PRKACB: variants seen among roughly 807,000 people sequenced by gnomAD.
PRKACB encodes the protein cAMP-dependent protein kinase catalytic subunit beta.
A neutral mutation model predicts 51.4 loss-of-function variants in PRKACB; 16 were observed. That is an observed-to-expected ratio of 0.31 (90% CI 0.21 to 0.47). The LOEUF is 0.47. Ranked by LOEUF, PRKACB falls within the 20% of genes least tolerant of loss-of-function variation. The pLI, the probability that PRKACB is intolerant of heterozygous loss-of-function variation, is 1.00. For missense variants in PRKACB, 309 were observed against 464.5 expected, an observed-to-expected ratio of 0.67 and a Z score of 3.08; for synonymous variants, 147 against 154.4, an observed-to-expected ratio of 0.95 and a Z score of 0.35.
upstream of PRKACB, among the ~76,000 whole-genome samples, chr1:84,142,843 A>G (rs1558011635): frequency 6.6e-6 from 1 of 152,212 alleles, no homozygotes; most frequent in East Asian, 1.9e-4. Context: ...CCTTTTATGT[A>G]GTCCTAATTT....
intron 1 of PRKACB, among the ~76,000 whole-genome samples, chr1:84,081,702 T>C (rs1647548894): frequency 6.6e-6 from 1 of 152,150 alleles, no homozygotes; most frequent in African/African-American, 2.4e-5. Flanking sequence ...TCTTTTAACC[T>C]GGGAGGGGTT....
chr1:84,087,330 C>T (rs1218273167), intron 1 of PRKACB, among the ~76,000 whole-genome samples: 5 of 152,146 alleles, frequency 3.3e-5, no homozygotes, highest in Admixed American at 6.5e-5. Flanking sequence ...CTCACCTAAA[C>T]TTGAAACACT....
intron 1 of PRKACB, among the ~76,000 whole-genome samples, chr1:84,159,178 T>G (rs2100687680): frequency 6.6e-6 from 1 of 152,254 alleles, no homozygotes; most frequent in East Asian, 1.9e-4. Context: ...AAAGAAAAGC[T>G]TTATTAGATT....
intron 1 of PRKACB, among the ~76,000 whole-genome samples, chr1:84,078,953 G>A (rs1436294964): frequency 2.0e-5 from 3 of 152,190 alleles, no homozygotes; most frequent in Non-Finnish European, 2.9e-5. Context: ...AGAGAAAAAA[G>A]CCAGGCAGGT....
intron 1 of PRKACB, among the ~76,000 whole-genome samples, chr1:84,092,996 C>A (rs887590430): frequency 6.6e-6 from 1 of 151,854 alleles, no homozygotes; most frequent in Non-Finnish European, 1.5e-5. Context: ...ATTTTCCCCC[C>A]AGACGTATGT....
At chr1:84,192,706 T>C (rs1316004418) in intron 5 of PRKACB, among the ~76,000 whole-genome samples, 3 of 152,150 alleles carry the variant, frequency 2.0e-5, no homozygotes, top group African/African-American at 4.8e-5. Flanking sequence ...TCAGTTGAGA[T>C]ATGAGTCTTA....
At chr1:84,144,590 A>G in intron 1 of PRKACB, 42 bp downstream of exon 1, 1 of 1,508,660 alleles carries the variant, frequency 6.6e-7, no homozygotes, top group East Asian at 2.5e-5. Context: ...ACTAGCAACT[A>G]AAATGGTAAT....
intron 1 of PRKACB, among the ~76,000 whole-genome samples, chr1:84,171,336 C>A (rs1659405682): frequency 6.6e-6 from 1 of 151,460 alleles, no homozygotes; most frequent in African/African-American, 2.4e-5. Flanking sequence ...AATAAAGATA[C>A]ATGAGAATCA....
At chr1:84,157,715 T>C (rs1655677092) in intron 1 of PRKACB, among the ~76,000 whole-genome samples, 1 of 152,208 alleles carries the variant, frequency 6.6e-6, no homozygotes, top group South Asian at 2.1e-4. Context: ...ATCCATGTTA[T>C]AGAATATATT....
chr1:84,180,124 T>C (rs1248270305), intron 2 of PRKACB, among the ~76,000 whole-genome samples: 1 of 132,114 alleles, frequency 7.6e-6, no homozygotes, highest in African/African-American at 2.7e-5. Context: ...AATTCACAAT[T>C]GCAAAATAGT....
chr1:84,128,090 C>T (rs555345817), intron 1 of PRKACB, among the ~76,000 whole-genome samples: 8 of 143,066 alleles, frequency 5.6e-5, no homozygotes, highest in African/African-American at 2.1e-4. Context: ...CTCACTGCAA[C>T]CTTCACCTCC....
intron 5 of PRKACB, among the ~76,000 whole-genome samples, chr1:84,188,554 A>T (rs1003637208): frequency 3.2e-4 from 49 of 151,930 alleles, no homozygotes; most frequent in African/African-American, 1.2e-3. Context: ...TTTATCTAGC[A>T]TTTTAAGACA....
intron 6 of PRKACB, among the ~76,000 whole-genome samples, chr1:84,197,257 C>T (rs1385196048): frequency 6.6e-6 from 1 of 152,026 alleles, no homozygotes; most frequent in African/African-American, 2.4e-5. Context: ...CTCGTAGCAA[C>T]GTTTTCTTTC....
intron 1 of PRKACB, among the ~76,000 whole-genome samples, chr1:84,109,249 A>G (rs1388768875): frequency 6.6e-6 from 1 of 151,926 alleles, no homozygotes; most frequent in Non-Finnish European, 1.5e-5. Flanking sequence ...ATGCATTTCT[A>G]TTGAGTATAT....
intron 1 of PRKACB, among the ~76,000 whole-genome samples, chr1:84,172,644 G>A (rs747309147): frequency 6.6e-6 from 1 of 151,572 alleles, no homozygotes; most frequent in Non-Finnish European, 1.5e-5. Context: ...TTAAATATAT[G>A]TCTCATTAAA....
chr1:84,160,734 A>C (rs146467394), intron 1 of PRKACB, among the ~76,000 whole-genome samples: 2 of 151,142 alleles, frequency 1.3e-5, no homozygotes, highest in Admixed American at 6.6e-5. Flanking sequence ...AATATTTTCT[A>C]ATTTCCCTTG....
chr1:84,125,316 A>G (rs1424039789), intron 1 of PRKACB, among the ~76,000 whole-genome samples: 1 of 152,164 alleles, frequency 6.6e-6, no homozygotes, highest in Non-Finnish European at 1.5e-5. Context: ...TGTGCTGATC[A>G]TTCTCACACG....
intron 1 of PRKACB, among the ~76,000 whole-genome samples, chr1:84,135,869 C>T (rs2100570336): frequency 6.6e-6 from 1 of 150,662 alleles, no homozygotes; most frequent in East Asian, 1.9e-4. Flanking sequence ...GAAAGAAGAG[C>T]AATTTAAGCC....
chr1:84,115,602 G>T (rs1312156029), intron 1 of PRKACB, among the ~76,000 whole-genome samples: 1 of 151,698 alleles, frequency 6.6e-6, no homozygotes, highest in Non-Finnish European at 1.5e-5. Flanking sequence ...CTTTGCCTAG[G>T]CCAGGTGCGG....
Sources: gnomAD v4.1 joint callset for allele counts (sites outside exome capture counted in the v4.1 genomes callset) on GRCh38, gnomAD v4.1.1 for gene constraint, MANE v1.5 for transcripts, NCBI Gene and HGNC (gene_info 2026-07-23, HGNC 2026-07-21) for gene names.